FBXO36: variants seen among roughly 807,000 people sequenced by gnomAD.
FBXO36 encodes the protein F-box only protein 36.
In FBXO36, 18 loss-of-function variants were observed where a neutral mutation model predicts 17.0. That is an observed-to-expected ratio of 1.06 (90% CI 0.73 to 1.57). The LOEUF (loss-of-function observed/expected upper bound fraction) is 1.57. FBXO36 is among the 40% of genes most tolerant of loss of function. The probability of loss-of-function intolerance (pLI) is 0.00; values close to 1 mark genes in which losing one functional copy is unlikely to be tolerated. For synonymous variants in FBXO36, 83 were observed against 85.3 expected (o/e 0.97, Z 0.15); for missense variants, 229 against 221.9 (o/e 1.03, Z -0.20).
At chr2:229,970,901 T>C (rs1204032499) in intron 1 of FBXO36, among the ~76,000 whole-genome samples, 1 of 152,184 alleles carries the variant, frequency 6.6e-6, no homozygotes, top group Non-Finnish European at 1.5e-5. Flanking sequence ...TAAAGAGCTC[T>C]TTCAGTAACT....
At chr2:229,970,353 C>A (rs564618532) in intron 1 of FBXO36, among the ~76,000 whole-genome samples, 1 of 152,240 alleles carries the variant, frequency 6.6e-6, no homozygotes, top group East Asian at 1.9e-4. Context: ...GATGCTATCT[C>A]TATTTAAAGA....
At chr2:229,998,435 C>G (rs1293303295) in intron 3 of FBXO36, among the ~76,000 whole-genome samples, 2 of 152,148 alleles carry the variant, frequency 1.3e-5, no homozygotes, top group Admixed American at 6.6e-5. Flanking sequence ...CCAGCCTGAC[C>G]AGCATGGAGA....
At chr2:229,966,308 A>G (rs1168518418) in intron 1 of FBXO36, among the ~76,000 whole-genome samples, 1 of 151,742 alleles carries the variant, frequency 6.6e-6, no homozygotes, top group Non-Finnish European at 1.5e-5. Context: ...GATTGCAAAA[A>G]TTTTCTCCCG....
chr2:229,978,103 A>G (rs537216498), intron 2 of FBXO36, among the ~76,000 whole-genome samples: 348 of 152,040 alleles, frequency 2.3e-3, no homozygotes, highest in Non-Finnish European at 4.0e-3. Context: ...ACAAAACAAA[A>G]CAAAACAAAA....
intron 2 of FBXO36, among the ~76,000 whole-genome samples, chr2:229,977,909 G>A (rs1273507228): frequency 6.6e-6 from 1 of 152,096 alleles, no homozygotes; most frequent in Non-Finnish European, 1.5e-5. Flanking sequence ...TTTAGAATGT[G>A]TCTCTCAAGG....
chr2:229,966,110 T>A (rs2077151197), intron 1 of FBXO36, among the ~76,000 whole-genome samples: 3 of 152,246 alleles, frequency 2.0e-5, no homozygotes, highest in Non-Finnish European at 4.4e-5. Flanking sequence ...GGTTTTGATT[T>A]GTATTTCTCT....
intron 1 of FBXO36, among the ~76,000 whole-genome samples, chr2:229,925,057 C>A (rs1235298182): frequency 6.6e-6 from 1 of 151,846 alleles, no homozygotes. Context: ...AGAAATCTTT[C>A]CCACCATCCC....
chr2:229,960,685 T>C (rs1016679814), intron 1 of FBXO36, among the ~76,000 whole-genome samples: 1 of 152,194 alleles, frequency 6.6e-6, no homozygotes, highest in Non-Finnish European at 1.5e-5. Context: ...TAGTTTTTTG[T>C]AGAGATGGGG....
intron 2 of FBXO36, among the ~76,000 whole-genome samples, chr2:229,986,789 C>G (rs1215069216): frequency 6.6e-6 from 1 of 151,802 alleles, no homozygotes; most frequent in African/African-American, 2.4e-5. Context: ...CCCACCTCAG[C>G]CTCCCAAAGT....
intron 2 of FBXO36, among the ~76,000 whole-genome samples, chr2:229,992,891 C>G (rs1055497388): frequency 3.3e-5 from 5 of 152,110 alleles, no homozygotes; most frequent in Admixed American, 2.0e-4. Context: ...TGAGAAATCA[C>G]TGGTGGTTGT....
intron 3 of FBXO36, among the ~76,000 whole-genome samples, chr2:230,010,009 C>G (rs2077407084): frequency 6.6e-6 from 1 of 151,922 alleles, no homozygotes; most frequent in Non-Finnish European, 1.5e-5. Flanking sequence ...CGCCTGTAAT[C>G]CCAGCACTTT....
chr2:229,976,420 T>A (rs779283340), intron 2 of FBXO36, 71 bp downstream of exon 2: 90 of 1,043,630 alleles, frequency 8.6e-5, no homozygotes, highest in Non-Finnish European at 1.3e-4. Context: ...GTTAAAGAAG[T>A]TTCAAATATA....
At chr2:229,985,266 T>G (rs1313312733) in intron 2 of FBXO36, among the ~76,000 whole-genome samples, 1 of 152,156 alleles carries the variant, frequency 6.6e-6, no homozygotes, top group Non-Finnish European at 1.5e-5. Flanking sequence ...AATTTAAAAT[T>G]TACGTAAAAT....
chr2:230,002,081 G>A (rs1347087394), intron 3 of FBXO36, among the ~76,000 whole-genome samples: 1 of 151,808 alleles, frequency 6.6e-6, no homozygotes, highest in Non-Finnish European at 1.5e-5. Flanking sequence ...CAAGTGATCA[G>A]CCTGCCTCAG....
chr2:229,947,059 T>C (rs1029779660), intron 1 of FBXO36, among the ~76,000 whole-genome samples: 24 of 151,896 alleles, frequency 1.6e-4, no homozygotes, highest in African/African-American at 4.8e-4. Flanking sequence ...TCTCAGCTAC[T>C]TGGGAGGCTG....
intron 1 of FBXO36, among the ~76,000 whole-genome samples, chr2:229,972,729 T>G (rs2106191671): frequency 6.6e-6 from 1 of 152,156 alleles, no homozygotes; most frequent in South Asian, 2.1e-4. Context: ...CAATTCTGAT[T>G]TTTTTACTGT....
At position 229,987,935 on chromosome 2, in the gene FBXO36, A is replaced by G. The variant is rs141937059; in HGVS notation, c.206-8816A>G. 6.3e-3 allele frequency among the ~76,000 whole-genome samples: 959 copies of G among 152,256 alleles called. 5 individuals carry two copies. Among genetic ancestry groups the G allele is most frequent in the Middle Eastern group, 0.034 (10 of 294 alleles). ...AGACATGAGCCACTGCACCTTGCCT[A>G]AATCATTGTTTAGAGCCATTTTTTC... On this transcript the variant is annotated intron_variant, in intron 2 of 3. Coordinates refer to ENST00000283946, the MANE Select transcript of FBXO36 (RefSeq NM_174899.5).
chr2:229,944,597 T>C (rs1460253095), intron 1 of FBXO36, among the ~76,000 whole-genome samples: 26 of 146,906 alleles, frequency 1.8e-4, no homozygotes, highest in Admixed American at 4.1e-4. Flanking sequence ...TTTTTCTTTT[T>C]TTTTTTTTTT....
intron 1 of FBXO36, among the ~76,000 whole-genome samples, chr2:229,975,894 GTC>G (rs1385252211): frequency 1.3e-5 from 2 of 151,898 alleles, no homozygotes; most frequent in Non-Finnish European, 2.9e-5. Context: ...TGCAACCTCC[GTC>G]TCTAGTGTTG....
Sources: allele counts gnomAD v4.1 joint callset (sites outside exome capture counted in the v4.1 genomes callset), GRCh38; gene constraint gnomAD v4.1.1; transcripts MANE v1.5; gene names NCBI Gene and HGNC (gene_info 2026-07-23, HGNC 2026-07-21).